The following CREB3L3 variants were observed in gnomAD, a reference collection of about 807,000 sequenced individuals.
The protein encoded by CREB3L3 is cAMP responsive element binding protein 3 like 3.
In CREB3L3, 40 loss-of-function variants were observed where a neutral mutation model predicts 44.6. The ratio of observed to expected loss-of-function variants is 0.90; its 90% CI spans 0.70 to 1.17. CREB3L3 has a LOEUF of 1.17. CREB3L3 is among the 50% of genes most tolerant of loss of function. The pLI is 0.00. For synonymous variants in CREB3L3, 273 were observed against 256.3 expected, an observed-to-expected ratio of 1.06 and a Z score of -0.62; for missense variants, 578 against 595.8, an observed-to-expected ratio of 0.97 and a Z score of 0.31.
chr19:4,170,955 TAAATA>T, intron 7 of CREB3L3, 131 bp from the exon 8 acceptor site: 1 of 439,298 alleles, frequency 2.3e-6, no homozygotes, highest in Non-Finnish European at 4.1e-6. Context: ...ATAAATAAAA[TAAATA>T]ATAAAGAGCC....
intron 5 of CREB3L3, among the ~76,000 whole-genome samples, chr19:4,167,420 AAAAGAAAGAAAGAAAGG>A (rs1296780512): frequency 6.5e-5 from 9 of 137,576 alleles, no homozygotes; most frequent in Non-Finnish European, 1.2e-4. Context: ...GAAAAGAAAG[AAAAGAAAGAAAGAAAGG>A]AAAGAAAGAA....
chr19:4,164,702 G>A (rs1599339884), intron 5 of CREB3L3, 62 bp downstream of exon 5: 2 of 1,563,470 alleles, frequency 1.3e-6, no homozygotes, highest in East Asian at 2.3e-5. Flanking sequence ...ACCTGCATGT[G>A]TGTCCCACCT....
In CREB3L3 at chr19:4,164,606, G is replaced by T; in HGVS notation, c.680G>T (p.Gly227Val). 1 of 1,614,062 alleles carries T rather than the reference G, an allele frequency of 6.2e-7. No individual in the cohort carries two copies. Among genetic ancestry groups the T allele is most frequent in the Non-Finnish European group, 8.5e-7 (1 of 1,180,018 alleles). The change falls in exon 5 of 10, where the codon GGC (glycine) becomes GTC (valine). Residue 227 changes from glycine (G) to valine (V), a missense_variant. Coordinates refer to ENST00000078445, the MANE Select transcript of CREB3L3 (RefSeq NM_032607.3). ...EDEKKLLAKE[G>V]ITLPTQLPLT... Reference sequence around the variant, plus strand: ...GAGAAGAAGCTGCTGGCTAAAGAAGGCATCACCCTGCCCACTCAGCTGCCC... The same window carrying T: ...GAGAAGAAGCTGCTGGCTAAAGAAGTCATCACCCTGCCCACTCAGCTGCCC...
Position 4,171,930 on chromosome 19 carries a change from A to G in CREB3L3, c.1347A>G (p.Ser449=), listed in dbSNP as rs36021701. ...DWVAPGPSTG[S]GRAGLEAAGD... ...TGGCGCCTGGGCCGAGCACTGGCTC[A>G]GGACGTGCAGGGCTGGAGGCGGCGG... The change falls in exon 10 of 10, where the codon TCA becomes TCG. Residue 449 remains serine, a synonymous_variant. Transcript: ENST00000078445. This position sits in a 1 kb window ranked among gnomAD's most constrained non-coding sequence, Gnocchi z 4.9. 952 of 1,610,420 alleles carry G rather than the reference A, an allele frequency of 5.9e-4. 9 individuals carry two copies. The African/African-American group carries it at 0.012, about 19-fold the overall frequency.
chr19:4,168,241 C>A, intron 5 of CREB3L3, 110 bp from the exon 6 acceptor site: 2 of 718,662 alleles, frequency 2.8e-6, no homozygotes, highest in African/African-American at 1.8e-5. Flanking sequence ...TCAGGTGATA[C>A]GCCTGCCTCG....
At position 4,155,033 on chromosome 19, in the gene CREB3L3, G is replaced by A; in HGVS notation, c.156+6G>A. 4 of 1,605,080 alleles carry A rather than the reference G, an allele frequency of 2.5e-6. No individual in the cohort carries two copies. Among genetic ancestry groups the A allele is most frequent in the Non-Finnish European group, 3.4e-6 (4 of 1,179,922 alleles). ...GGGGTCACGTCAAGGACCAGGTGAG[G>A]AGTCCACTGCAGTTGCCCCGGGACC... On this transcript the variant is annotated splice_donor_region_variant and intron_variant, in intron 2 of 9. Transcript: ENST00000078445.
intron 2 of CREB3L3, 106 bp from the exon 3 acceptor site, chr19:4,156,889 G>A (rs2041587963): frequency 8.7e-7 from 1 of 1,154,908 alleles, no homozygotes. Flanking sequence ...GAGAAGGGAA[G>A]GACACCTAAG....
In CREB3L3 at chr19:4,172,106, C is replaced by T. The variant is rs1967064811; in HGVS notation, c.*137C>T. On this transcript the variant is annotated 3_prime_UTR_variant, in exon 10 of 10. Coordinates refer to ENST00000078445, the MANE Select transcript of CREB3L3 (RefSeq NM_032607.3). ...ATGCCAGAATGGGGGAGGCACAGCT[C>T]ATAGCCACACACCCAGGGCCTGACT... 1.7e-5 allele frequency: 16 copies of T among 928,972 alleles called. No homozygotes were observed. The Admixed American group carries it at 4.5e-4, about 26-fold the overall frequency. 57.5% of individuals were successfully genotyped at this position (928,972 alleles called of 1,614,324 possible).
intron 4 of CREB3L3, among the ~76,000 whole-genome samples, chr19:4,163,666 C>T (rs1002442579): frequency 6.6e-6 from 1 of 151,932 alleles, no homozygotes; most frequent in African/African-American, 2.4e-5. Context: ...GCACGTGCCA[C>T]CACACCAGGC....
intron 1 of CREB3L3, among the ~76,000 whole-genome samples, chr19:4,154,051 TTTTTA>T (rs543004293): frequency 4.6e-5 from 7 of 152,232 alleles, no homozygotes; most frequent in East Asian, 3.9e-4. Context: ...TCTCCAGCAC[TTTTTA>T]TTTTATTTTA....
chr19:4,164,626 C>T lies in CREB3L3; in HGVS notation c.700C>T (p.Leu234=). The T allele has an allele frequency of 6.2e-7, 1 of 1,614,072 alleles. No individual in the cohort carries two copies. Among genetic ancestry groups the T allele is most frequent in the South Asian group, 1.1e-5 (1 of 91,082 alleles). The change falls in exon 5 of 10, where the codon CTG becomes TTG. Residue 234 remains leucine, a synonymous_variant. Transcript: ENST00000078445. ...AGAAGGCATCACCCTGCCCACTCAG[C>T]TGCCCCTCACTAAGGTGAGTCTGGG... is the stretch of plus-strand genomic sequence containing the variant. The part of the protein sequence containing the change: ...AKEGITLPTQ[L]PLTKYEERVL...
In CREB3L3 at chr19:4,172,777, G is replaced by A. The variant is rs1967087128; in HGVS notation, c.*808G>A. The stretch of plus-strand genomic sequence containing the variant: ...GAAAGAGACCCAGACAGAGAGACAG[G>A]CAGACACAGCCTAAAACAGACCTGG... On this transcript the variant is annotated 3_prime_UTR_variant, in exon 10 of 10. Transcript: ENST00000078445. 1 of 192,860 alleles carries A rather than the reference G, an allele frequency of 5.2e-6. No homozygotes were observed. The highest frequency in any genetic ancestry group is 1.1e-5 in the Non-Finnish European group (1 of 93,764). The allele number at this position is 192,860 out of a possible 1,614,324, so 11.9% of individuals were successfully genotyped here. A position where few individuals can be genotyped will look rare whatever the true frequency, so the allele number is the denominator to read the frequency against.
Position 4,154,994 on chromosome 19 carries a change from G to A in CREB3L3, c.123G>A (p.Glu41=). The change falls in exon 2 of 10, where the codon GAG becomes GAA. Residue 41 remains glutamate, a synonymous_variant. Coordinates refer to ENST00000078445, the MANE Select transcript of CREB3L3 (RefSeq NM_032607.3). The stretch of plus-strand genomic sequence containing the variant: ...AGGACGGCATCCTGAGACACGTGGA[G>A]CTGGGCGAGGGCTGGGGTCACGTCA... ...DRQDGILRHV[E]LGEGWGHVKD... is the part of the protein sequence containing the mutation. 6.2e-7 allele frequency: 1 copy of A among 1,611,568 alleles called. No homozygotes were observed. The highest frequency in any genetic ancestry group is 8.5e-7 in the Non-Finnish European group (1 of 1,180,012).
At chr19:4,158,022 C>A (rs11879292) in intron 3 of CREB3L3, among the ~76,000 whole-genome samples, 7,590 of 152,068 alleles carry the variant, frequency 0.05, 623 homozygotes, top group African/African-American at 0.17. Flanking sequence ...GTTACCAGGT[C>A]CTAGGTTCCA....
At chr19:4,160,827 G>A (rs1225840792) in intron 4 of CREB3L3, among the ~76,000 whole-genome samples, 4 of 151,200 alleles carry the variant, frequency 2.6e-5, no homozygotes, top group South Asian at 2.1e-4. Flanking sequence ...TCCGCCTACC[G>A]GGTTCACACC....
At chr19:4,168,556 A>G in intron 6 of CREB3L3, 99 bp downstream of exon 6, 1 of 865,534 alleles carries the variant, frequency 1.2e-6, no homozygotes, top group South Asian at 1.4e-5. Flanking sequence ...GTCTGACAAA[A>G]TTGGAGGTGA....
At chr19:4,157,953 G>A (rs1048899466) in intron 3 of CREB3L3, among the ~76,000 whole-genome samples, 25 of 152,090 alleles carry the variant, frequency 1.6e-4, no homozygotes, top group African/African-American at 3.1e-4. Flanking sequence ...CCAAAGTGCT[G>A]AGATTACAGG....
chr19:4,169,120 T>C (rs1485344675), intron 6 of CREB3L3, among the ~76,000 whole-genome samples: 1 of 152,036 alleles, frequency 6.6e-6, no homozygotes, highest in African/African-American at 2.4e-5. Flanking sequence ...TCCTGGGTAA[T>C]TGTATCCCAT....
Position 4,171,953 on chromosome 19 carries a change from C to A in CREB3L3, c.1370C>A (p.Ala457Glu). Residue 457 changes from alanine (A) to glutamate (E), a missense_variant, in exon 10 of 10, where the codon GCG (alanine) becomes GAG (glutamate). By Grantham distance (107) the Ala-to-Glu change is moderately radical. Transcript: ENST00000078445. The surrounding 1 kb of genome is among the most constrained non-coding windows in gnomAD (Gnocchi z 4.9). The part of the protein sequence containing the change: ...TGSGRAGLEA[A>E]GDEL ...TCAGGACGTGCAGGGCTGGAGGCGG[C>A]GGGAGACGAGCTGTGAGCCCCGCCA... 1 of 1,601,258 alleles carries A rather than the reference C, an allele frequency of 6.2e-7. No homozygotes were observed. Among genetic ancestry groups the A allele is most frequent in the Non-Finnish European group, 8.5e-7 (1 of 1,175,434 alleles).
Sources: gnomAD v4.1 joint callset for allele counts (sites outside exome capture counted in the v4.1 genomes callset) on GRCh38, gnomAD v4.1.1 for gene constraint, Gnocchi (gnomAD v3.1) non-coding constraint, MANE v1.5 for transcripts, NCBI Gene and HGNC (gene_info 2026-07-23, HGNC 2026-07-21) for gene names.